TNRC18: variants seen among roughly 807,000 people sequenced by gnomAD.
TNRC18 encodes trinucleotide repeat containing 18, also known as trinucleotide repeat-containing gene 18 protein.
Under a neutral mutation model 226.7 loss-of-function variants are expected in TNRC18, and 69 were observed. The observed-to-expected ratio is 0.30, with a 90% CI of 0.25 to 0.37. The LOEUF (loss-of-function observed/expected upper bound fraction) is 0.37, where lower values mean the gene tolerates loss of function less well. Among genes scored for constraint, TNRC18 ranks in the 10% least tolerant of loss-of-function variants. TNRC18 has a pLI of 1.00. For missense variants in TNRC18, 4,754 were observed against 4,256.6 expected, an observed-to-expected ratio of 1.12 and a Z score of -3.25; for synonymous variants, 2,449 against 1,927.6, an observed-to-expected ratio of 1.27 and a Z score of -7.09.
intron 2 of TNRC18, among the ~76,000 whole-genome samples, chr7:5,410,310 CAAAAAAAAAAAAAAA>C (rs1157425008): frequency 2.3e-4 from 15 of 66,220 alleles, no homozygotes; most frequent in African/African-American, 6.3e-4. Flanking sequence ...GACTCTGTCT[CAAAAAAAAAAAAAAA>C]AAAAAGAAAA....
intron 2 of TNRC18, among the ~76,000 whole-genome samples, chr7:5,399,347 T>C (rs1254471471): frequency 1.3e-5 from 2 of 152,308 alleles, no homozygotes; most frequent in South Asian, 4.1e-4. Context: ...ATCAAGTAAC[T>C]GGCTGCCGCC....
intron 17 of TNRC18, among the ~76,000 whole-genome samples, chr7:5,348,927 T>C (rs866435951): frequency 9.5e-5 from 5 of 52,556 alleles, no homozygotes; most frequent in Non-Finnish European, 1.8e-4. Flanking sequence ...CAGGTCTCCC[T>C]GGGGTGGGCC....
intron 2 of TNRC18, among the ~76,000 whole-genome samples, chr7:5,401,369 C>A (rs1781078189): frequency 6.6e-6 from 1 of 152,142 alleles, no homozygotes; most frequent in African/African-American, 2.4e-5. Context: ...TGAATCAGGT[C>A]CTCCCTCCAG....
At chr7:5,327,021 G>A (rs950837640) in intron 19 of TNRC18, among the ~76,000 whole-genome samples, 10 of 152,014 alleles carry the variant, frequency 6.6e-5, no homozygotes, top group African/African-American at 1.9e-4. Flanking sequence ...CTACTCGGGA[G>A]GCTGAGGCAG....
At chr7:5,376,775 C>G in intron 8 of TNRC18, 72 bp downstream of exon 8, 2 of 1,554,638 alleles carry the variant, frequency 1.3e-6, no homozygotes, top group East Asian at 2.4e-5. Context: ...GCAGGAAGCC[C>G]TTGGCATCAG....
intron 26 of TNRC18, among the ~76,000 whole-genome samples, 159 bp downstream of exon 26, chr7:5,314,825 G>A (rs184458128): frequency 9.2e-5 from 14 of 152,172 alleles, no homozygotes; most frequent in Non-Finnish European, 1.8e-4. Flanking sequence ...TGCTCGCCTT[G>A]GCCTCCCAAA....
At chr7:5,403,636 TA>T (rs936980666) in intron 2 of TNRC18, among the ~76,000 whole-genome samples, 99 of 151,324 alleles carry the variant, frequency 6.5e-4, no homozygotes, top group African/African-American at 2.4e-3. Flanking sequence ...ACAAAAAAAT[TA>T]AAAAATTAGC....
At chr7:5,350,279 T>G (rs1460378733) in intron 17 of TNRC18, among the ~76,000 whole-genome samples, 1 of 151,212 alleles carries the variant, frequency 6.6e-6, no homozygotes, top group Non-Finnish European at 1.5e-5. Flanking sequence ...CTCAGAGGGG[T>G]AGTAGCAGCC....
At chr7:5,332,479 A>T in intron 19 of TNRC18, 143 bp downstream of exon 19, 2 of 868,966 alleles carry the variant, frequency 2.3e-6, no homozygotes, top group Non-Finnish European at 3.3e-6. Flanking sequence ...GCTAAGTCCT[A>T]GCAGGGGCTC....
intron 29 of TNRC18, 45 bp downstream of exon 29, chr7:5,308,830 G>A: frequency 3.3e-6 from 5 of 1,525,198 alleles, no homozygotes; most frequent in South Asian, 1.2e-5. Flanking sequence ...CCGGAAGGAA[G>A]CAGCCATCCC....
Position 5,377,907 on chromosome 7 carries a change from C to T in TNRC18, c.2255+15G>A. 1 of 1,612,532 alleles carries T rather than the reference C, an allele frequency of 6.2e-7. No individual in the cohort carries two copies. Among genetic ancestry groups the T allele is most frequent in the Non-Finnish European group, 8.5e-7 (1 of 1,178,906 alleles). On this transcript the variant is annotated intron_variant, in intron 6 of 29. Transcript: ENST00000430969. This position sits in a 1 kb window ranked among gnomAD's most constrained non-coding sequence, Gnocchi z 5.8. ...AGATACCCCCTAGACCCTCAGGATC[C>T]CCCGACACCCTCACCTGAGCAGCTT... is the stretch of plus-strand genomic sequence containing the variant.
At chr7:5,356,358 T>C (rs1792373189) in intron 16 of TNRC18, among the ~76,000 whole-genome samples, 3 of 151,924 alleles carry the variant, frequency 2.0e-5, no homozygotes, top group Admixed American at 1.3e-4. Context: ...CTGTCAGAGC[T>C]GCCACAGACA....
chr7:5,339,633 G>A lies in TNRC18; in HGVS notation c.5719+5929C>T, dbSNP rs145990086. Among the ~76,000 whole-genome samples the A allele has an allele frequency of 8.0e-5, 12 of 150,730 alleles. No individual in the cohort carries two copies. The South Asian group carries it at 2.3e-3, about 29-fold the overall frequency. ...AGGATGGAGGGCAGTGCAATGGCCC[G>A]ATCTCTGCTCACTGCAAACTCTGCC... On this transcript the variant is annotated intron_variant, in intron 18 of 29. Transcript: ENST00000430969.
chr7:5,355,710 C>A (rs1416872256), intron 16 of TNRC18, among the ~76,000 whole-genome samples: 3 of 152,114 alleles, frequency 2.0e-5, no homozygotes, highest in African/African-American at 7.2e-5. Context: ...AAGACCCTGT[C>A]TCTACAAAAA....
At chr7:5,385,396 G>A (rs1003430658) in intron 5 of TNRC18, among the ~76,000 whole-genome samples, 3 of 148,750 alleles carry the variant, frequency 2.0e-5, no homozygotes, top group African/African-American at 7.3e-5. Flanking sequence ...GCTGAGGCAG[G>A]AGAATGGCGT....
At position 5,332,220 on chromosome 7, in the gene TNRC18, A is replaced by G. The variant is rs530244489; in HGVS notation, c.6147+402T>C. 3.3e-5 allele frequency among the ~76,000 whole-genome samples: 5 copies of G among 152,246 alleles called. No individual in the cohort carries two copies. The South Asian group carries it at 1.0e-3, about 32-fold the overall frequency. On this transcript the variant is annotated intron_variant, in intron 19 of 29. Transcript: ENST00000430969. ...GGGAGGTTGGGGCAGAAGAATCACT[A>G]AAGGTCAGGAGTTCAAGATCAGCCT...
intron 2 of TNRC18, among the ~76,000 whole-genome samples, chr7:5,410,370 A>G (rs1262585406): frequency 6.6e-6 from 1 of 151,756 alleles, no homozygotes; most frequent in East Asian, 1.9e-4. Context: ...GAGACCCAGG[A>G]TATCTAACTA....
At chr7:5,334,600 A>T (rs1018428486) in intron 18 of TNRC18, among the ~76,000 whole-genome samples, 5 of 151,930 alleles carry the variant, frequency 3.3e-5, no homozygotes. Context: ...TTTTGCTAAC[A>T]AGACTTTCCA....
intron 18 of TNRC18, among the ~76,000 whole-genome samples, chr7:5,336,012 G>A (rs185717179): frequency 1.3e-5 from 2 of 152,016 alleles, no homozygotes; most frequent in Middle Eastern, 3.4e-3. Context: ...TTTGAGACCA[G>A]CCTGGCCAAC....
Sources: allele counts gnomAD v4.1 joint callset (sites outside exome capture counted in the v4.1 genomes callset), GRCh38; gene constraint gnomAD v4.1.1; non-coding constraint Gnocchi (gnomAD v3.1); transcripts MANE v1.5; gene names NCBI Gene and HGNC (gene_info 2026-07-23, HGNC 2026-07-21).